Variants in FOXN3 observed in about 807,000 individuals in gnomAD.
FOXN3 encodes the protein forkhead box N3.
In FOXN3, 7 loss-of-function variants were observed where a neutral mutation model predicts 38.4. The ratio of observed to expected loss-of-function variants is 0.18; its 90% CI spans 0.10 to 0.34. FOXN3 has a LOEUF of 0.34. Among genes scored for constraint, FOXN3 ranks in the 10% least tolerant of loss-of-function variants. The pLI is 1.00. For missense variants in FOXN3, 456 were observed against 613.4 expected (o/e 0.74, Z 2.71); for synonymous variants, 230 against 242.2 (o/e 0.95, Z 0.47).
intron 4 of FOXN3, among the ~76,000 whole-genome samples, chr14:89,260,464 C>G (rs935384638): frequency 7.9e-5 from 12 of 152,228 alleles, no homozygotes; most frequent in Admixed American, 6.5e-5. Flanking sequence ...CTTCTTAGCA[C>G]TAACCCAGCT....
chr14:89,297,523 G>T (rs1017789695), intron 3 of FOXN3, among the ~76,000 whole-genome samples: 5 of 149,258 alleles, frequency 3.3e-5, no homozygotes, highest in Non-Finnish European at 7.4e-5. Context: ...TTGCGCCACT[G>T]CACTCCAGCC....
At chr14:89,289,761 T>C (rs976248766) in intron 3 of FOXN3, among the ~76,000 whole-genome samples, 1 of 152,214 alleles carries the variant, frequency 6.6e-6, no homozygotes, top group Admixed American at 6.5e-5. Flanking sequence ...GGTGAACATG[T>C]GCTCACGATA....
intron 4 of FOXN3, chr14:89,185,525 A>G (rs1887781547): frequency 6.6e-6 from 1 of 152,214 alleles, no homozygotes; most frequent in South Asian, 2.1e-4. Flanking sequence ...CTTTACAGCC[A>G]ATCTGACGCA....
At chr14:89,169,622 AG>A (rs1387622100) in intron 5 of FOXN3, among the ~76,000 whole-genome samples, 6 of 152,214 alleles carry the variant, frequency 3.9e-5, no homozygotes, top group South Asian at 2.1e-4. Flanking sequence ...GGAGGTGGAC[AG>A]AACTGAATTT....
intron 3 of FOXN3, among the ~76,000 whole-genome samples, chr14:89,305,493 G>T (rs186369853): frequency 4.0e-4 from 61 of 152,332 alleles, no homozygotes; most frequent in African/African-American, 1.3e-3. Flanking sequence ...AATTTATCAC[G>T]TAAGTTATAT....
chr14:89,302,700 T>A (rs894591528), intron 3 of FOXN3, among the ~76,000 whole-genome samples: 3 of 152,214 alleles, frequency 2.0e-5, no homozygotes, highest in African/African-American at 4.8e-5. Flanking sequence ...TCCTGAAGGA[T>A]GTGACTTATC....
intron 4 of FOXN3, among the ~76,000 whole-genome samples, chr14:89,272,846 C>CT (rs1428636733): frequency 3.9e-5 from 6 of 152,096 alleles, no homozygotes; most frequent in African/African-American, 1.4e-4. Flanking sequence ...GCGCAAGACT[C>CT]TGTCTCAAAA....
intron 4 of FOXN3, among the ~76,000 whole-genome samples, chr14:89,227,561 G>A (rs1169642847): frequency 6.6e-6 from 1 of 152,188 alleles, no homozygotes. Context: ...TTCTAGACCA[G>A]CGGTTCTTCT....
intron 4 of FOXN3, among the ~76,000 whole-genome samples, chr14:89,225,553 G>A (rs1440237590): frequency 6.6e-6 from 1 of 152,104 alleles, no homozygotes; most frequent in Admixed American, 6.5e-5. Context: ...GCAGTGAGCT[G>A]AGATCGTGCC....
intron 1 of FOXN3, among the ~76,000 whole-genome samples, chr14:89,464,395 T>C (rs1269497337): frequency 6.6e-6 from 1 of 152,160 alleles, no homozygotes; most frequent in Non-Finnish European, 1.5e-5. Flanking sequence ...AAAGCAATCC[T>C]GGTGTCATAG....
At chr14:89,333,775 AACAG>A (rs1888339285) in intron 3 of FOXN3, among the ~76,000 whole-genome samples, 1 of 149,164 alleles carries the variant, frequency 6.7e-6, no homozygotes, top group African/African-American at 2.5e-5. Flanking sequence ...AAAAAAAAAA[AACAG>A]AACCCCCATA....
chr14:89,474,492 TG>T (rs1893170063), intron 1 of FOXN3, among the ~76,000 whole-genome samples: 1 of 152,200 alleles, frequency 6.6e-6, no homozygotes, highest in Admixed American at 6.5e-5. Context: ...ATGAAAGAAC[TG>T]TACAAATAAA....
intron 1 of FOXN3, among the ~76,000 whole-genome samples, chr14:89,500,560 C>T (rs1051496144): frequency 3.3e-5 from 5 of 152,210 alleles, no homozygotes; most frequent in Admixed American, 3.3e-4. Flanking sequence ...AGAAGCCAAG[C>T]TGACCTGTGA....
chr14:89,460,860 C>T (rs1186206554), intron 1 of FOXN3, among the ~76,000 whole-genome samples: 3 of 150,898 alleles, frequency 2.0e-5, no homozygotes, highest in Admixed American at 1.3e-4. Context: ...AGAAACCCCA[C>T]CTCTACTAAA....
intron 3 of FOXN3, among the ~76,000 whole-genome samples, chr14:89,333,966 GTATATATA>G (rs71130055): frequency 0.027 from 3,539 of 130,698 alleles, 52 homozygotes; most frequent in Non-Finnish European, 0.034. Context: ...AATGTGGTGT[GTATATATA>G]TATATATATA....
intron 5 of FOXN3, among the ~76,000 whole-genome samples, chr14:89,166,379 G>C (rs1303901255): frequency 6.6e-6 from 1 of 152,164 alleles, no homozygotes; most frequent in Non-Finnish European, 1.5e-5. Flanking sequence ...GATGCTGTGT[G>C]GGGCAGAGTT....
intron 2 of FOXN3, among the ~76,000 whole-genome samples, chr14:89,378,162 T>C (rs894422808): frequency 1.3e-5 from 2 of 148,236 alleles, no homozygotes; most frequent in African/African-American, 5.3e-5. Flanking sequence ...ATGGTTCCCC[T>C]AATCCAAAAG....
chr14:89,327,974 C>T (rs1224048820), intron 3 of FOXN3, among the ~76,000 whole-genome samples: 1 of 152,178 alleles, frequency 6.6e-6, no homozygotes, highest in East Asian at 1.9e-4. Context: ...ACACTAAAAA[C>T]CCAGGTTTTC....
chr14:89,371,258 C>G (rs1444092398), intron 2 of FOXN3, among the ~76,000 whole-genome samples: 1 of 152,084 alleles, frequency 6.6e-6, no homozygotes, highest in Non-Finnish European at 1.5e-5. Context: ...GGGCTCTTAA[C>G]TTTGGGAGGG....
Sources: allele counts gnomAD v4.1 joint callset (sites outside exome capture counted in the v4.1 genomes callset), GRCh38; gene constraint gnomAD v4.1.1; transcripts MANE v1.5; gene names NCBI Gene and HGNC (gene_info 2026-07-23, HGNC 2026-07-21).